The following PYY variants were observed in gnomAD, a reference collection of about 807,000 sequenced individuals.
PYY encodes peptide YY.
Under a neutral mutation model 10.3 loss-of-function variants are expected in PYY, and 12 were observed. That is an observed-to-expected ratio of 1.17 (90% CI 0.75 to 1.89). PYY has a LOEUF of 1.89. Ranked by LOEUF, PYY falls within the 40% of genes most tolerant of loss-of-function variation. PYY has a pLI of 0.00. For missense variants in PYY, 141 were observed against 134.0 expected (o/e 1.05, Z -0.26); for synonymous variants, 66 against 62.0 (o/e 1.06, Z -0.30).
At chr17:43,995,196 G>A (rs1430904308) in intron 1 of PYY, among the ~76,000 whole-genome samples, 1 of 152,202 alleles carries the variant, frequency 6.6e-6, no homozygotes, top group African/African-American at 2.4e-5. Flanking sequence ...AGTCCAGGAG[G>A]CTCGATATTC....
chr17:43,965,790 A>C (rs1189551146), intron 2 of PYY, among the ~76,000 whole-genome samples: 1 of 67,238 alleles, frequency 1.5e-5, no homozygotes, highest in Admixed American at 1.6e-4. Flanking sequence ...TCCATCTCAC[A>C]AAAAAAAAAA....
intron 1 of PYY, among the ~76,000 whole-genome samples, chr17:43,982,173 A>G (rs966724958): frequency 2.6e-5 from 4 of 151,442 alleles, no homozygotes; most frequent in Non-Finnish European, 5.9e-5. Context: ...CATACACATC[A>G]CCCCCCAACT....
Position 43,953,132 on chromosome 17 carries a change from G to C in PYY, c.246C>G (p.Gly82=). 5.6e-6 allele frequency: 9 copies of C among 1,614,024 alleles called. No homozygotes were observed. Among genetic ancestry groups the C allele is most frequent in the Non-Finnish European group, 7.6e-6 (9 of 1,179,928 alleles). The change falls in exon 3 of 4, where the codon GGC becomes GGG. Residue 82 remains glycine (G), a synonymous_variant. Transcript: ENST00000692052. Reference sequence around the variant, plus strand: ...ACCGCGACCTGACGGGGCGGTCCTCGCCGTCGGGGAAGAACGTTTTGGAAA... The same window carrying C: ...ACCGCGACCTGACGGGGCGGTCCTCCCCGTCGGGGAAGAACGTTTTGGAAA... The part of the protein sequence containing the change: ...TLLSKTFFPD[G]EDRPVRSRSE...
At chr17:43,962,984 G>A (rs2048722866) in intron 2 of PYY, among the ~76,000 whole-genome samples, 1 of 151,974 alleles carries the variant, frequency 6.6e-6, no homozygotes, top group African/African-American at 2.4e-5. Flanking sequence ...AAGAAAAGGG[G>A]GAGAAAGAGA....
chr17:43,959,439 C>A (rs915302305), intron 2 of PYY, among the ~76,000 whole-genome samples: 2 of 152,234 alleles, frequency 1.3e-5, no homozygotes, highest in African/African-American at 4.8e-5. Flanking sequence ...AATCCCCACA[C>A]TTTGGGAGAC....
intron 1 of PYY, among the ~76,000 whole-genome samples, chr17:43,986,304 G>A (rs2048915613): frequency 6.6e-6 from 1 of 152,134 alleles, no homozygotes; most frequent in Admixed American, 6.6e-5. Flanking sequence ...TGAGCGTCTA[G>A]GTCTTTCTTT....
At chr17:43,973,989 A>G (rs531304039) in intron 1 of PYY, among the ~76,000 whole-genome samples, 94 of 152,134 alleles carry the variant, frequency 6.2e-4, no homozygotes, top group African/African-American at 2.0e-3. Flanking sequence ...GTGCACGGAC[A>G]AGTGGCCGAC....
intron 1 of PYY, among the ~76,000 whole-genome samples, chr17:43,990,644 T>C (rs2048950802): frequency 6.6e-6 from 1 of 151,974 alleles, no homozygotes; most frequent in African/African-American, 2.4e-5. Flanking sequence ...CCACAGTTCA[T>C]TTATAATAGC....
intron 1 of PYY, among the ~76,000 whole-genome samples, chr17:43,978,889 C>A (rs529469329): frequency 1.5e-3 from 236 of 152,306 alleles, no homozygotes; most frequent in African/African-American, 5.5e-3. Flanking sequence ...AGGCATTGGT[C>A]GGTCTAACCC....
chr17:43,966,791 T>C (rs911799198), intron 1 of PYY, among the ~76,000 whole-genome samples: 2 of 152,160 alleles, frequency 1.3e-5, no homozygotes, highest in African/African-American at 4.8e-5. Context: ...TTCACTGATA[T>C]ATCCCCAGTG....
rs765510559 is a variant in PYY at position 43,975,911 on chromosome 17, C to T, written c.-462-9379G>A. ...ACATACACGTGTCTACGTACGTGTA[C>T]ATACACGTGTCTACGTACGTGTACA... is the stretch of plus-strand genomic sequence containing the variant. On this transcript the variant is annotated intron_variant, in intron 1 of 6. Coordinates refer to the PYY transcript ENST00000360085. Among the ~76,000 whole-genome samples, 11 of 1,350 alleles carry T rather than the reference C, an allele frequency of 8.1e-3. 5 individuals carry two copies. The African/African-American group carries it at 0.085, about 10-fold the overall frequency. The allele number at this position is 1,350 out of a possible 152,430, so 0.9% of individuals were successfully genotyped here.
intron 1 of PYY, among the ~76,000 whole-genome samples, chr17:43,988,087 G>A (rs926767184): frequency 1.3e-5 from 2 of 152,116 alleles, no homozygotes; most frequent in African/African-American, 4.8e-5. Flanking sequence ...CACAGGGAGA[G>A]GAGAAGGTGA....
rs2048797435 is a variant in PYY, at chr17:43,972,118, T to C, written c.-462-5586A>G. Among the ~76,000 whole-genome samples the C allele has an allele frequency of 2.0e-5, 3 of 152,012 alleles. No homozygotes were observed. In the South Asian group the frequency reaches 6.2e-4, roughly 31 times the overall value. On this transcript the variant is annotated intron_variant, in intron 1 of 6. Transcript: ENST00000360085. ...TAGGAATCTATACATGTGTTAAAGCTCATAAAGCTGTACACCAACAAAATG... is the reference window on the plus strand; with the variant it reads ...TAGGAATCTATACATGTGTTAAAGCCCATAAAGCTGTACACCAACAAAATG...
chr17:43,977,172 G>A (rs895690782), intron 1 of PYY, among the ~76,000 whole-genome samples: 3 of 152,160 alleles, frequency 2.0e-5, no homozygotes, highest in Non-Finnish European at 2.9e-5. Context: ...GGCCTTCAGC[G>A]GGGCAGGGAG....
chr17:43,955,793 T>G (rs2048667734), upstream of PYY, among the ~76,000 whole-genome samples: 1 of 151,952 alleles, frequency 6.6e-6, no homozygotes, highest in South Asian at 2.1e-4. Flanking sequence ...AATAATTCCA[T>G]TCCTCCATGG....
rs1046601700 is a variant in PYY, at chr17:43,987,553, A to G, written c.-463+16838T>C. Reference sequence around the variant, plus strand: ...TGAATCCTCAGTCCCCCATCCAGCAATCTGTCTCCAGGTCTTGGAGCAGAC... The same window carrying G: ...TGAATCCTCAGTCCCCCATCCAGCAGTCTGTCTCCAGGTCTTGGAGCAGAC... On this transcript the variant is annotated intron_variant, in intron 1 of 6. Transcript: ENST00000360085. This position sits in a 1 kb window ranked among gnomAD's most constrained non-coding sequence, Gnocchi z 4.0. Among the ~76,000 whole-genome samples, 1 of 152,112 alleles carries G rather than the reference A, an allele frequency of 6.6e-6. No homozygotes were observed. The highest frequency in any genetic ancestry group is 2.4e-5 in the African/African-American group (1 of 41,418).
intron 1 of PYY, among the ~76,000 whole-genome samples, chr17:43,996,862 A>AT (rs911880347): frequency 4.0e-5 from 6 of 150,888 alleles, no homozygotes; most frequent in South Asian, 2.1e-4. Context: ...TAATTTTTGT[A>AT]TTTTTTTATA....
intron 1 of PYY, among the ~76,000 whole-genome samples, chr17:44,000,561 T>C (rs974351796): frequency 1.6e-5 from 2 of 127,810 alleles, no homozygotes; most frequent in African/African-American, 5.6e-5. Flanking sequence ...AATGCCTAAG[T>C]GTGCACTTTT....
intron 2 of PYY, among the ~76,000 whole-genome samples, chr17:43,965,964 T>C (rs2048753682): frequency 6.6e-6 from 1 of 152,074 alleles, no homozygotes; most frequent in Non-Finnish European, 1.5e-5. Flanking sequence ...TTTTTTCTTC[T>C]TCACTGTAGG....
Sources: gnomAD v4.1 joint callset for allele counts (sites outside exome capture counted in the v4.1 genomes callset) on GRCh38, gnomAD v4.1.1 for gene constraint, Gnocchi (gnomAD v3.1) non-coding constraint, MANE v1.5 for transcripts, NCBI Gene and HGNC (gene_info 2026-07-23, HGNC 2026-07-21) for gene names.